The following NOL4L variants were observed in gnomAD, a reference collection of about 807,000 sequenced individuals.
NOL4L encodes nucleolar protein 4 like, also known as nucleolar protein 4-like.
In NOL4L, 7 loss-of-function variants were observed where a neutral mutation model predicts 64.5. That is an observed-to-expected ratio of 0.11 (90% CI 0.06 to 0.20). The LOEUF is 0.20. Ranked by LOEUF, NOL4L falls within the 10% of genes least tolerant of loss-of-function variation. The probability of loss-of-function intolerance (pLI) is 1.00; values close to 1 mark genes in which losing one functional copy is unlikely to be tolerated. For synonymous variants in NOL4L, 413 were observed against 401.0 expected (o/e 1.03, Z -0.36); for missense variants, 680 against 967.1 (o/e 0.70, Z 3.94).
At chr20:32,475,542 C>CG (rs2015337461) in intron 4 of NOL4L, among the ~76,000 whole-genome samples, 1 of 152,260 alleles carries the variant, frequency 6.6e-6, no homozygotes, top group African/African-American at 2.4e-5. Flanking sequence ...CGGGAACCCC[C>CG]GGGGCGGGGC....
At chr20:32,524,912 G>A (rs1415756683) in intron 2 of NOL4L, among the ~76,000 whole-genome samples, 3 of 152,348 alleles carry the variant, frequency 2.0e-5, no homozygotes, top group East Asian at 1.9e-4. Context: ...GAGGAGGCAC[G>A]TAGGGGAGGA....
chr20:32,488,757 T>TC (rs2016217088), intron 4 of NOL4L, among the ~76,000 whole-genome samples: 1 of 53,134 alleles, frequency 1.9e-5, no homozygotes, highest in South Asian at 5.8e-4. Flanking sequence ...TTTCCTTCCT[T>TC]CCTTCCTTCC....
chr20:32,462,903 T>TAAAAAAAAA (rs564168973), intron 5 of NOL4L, among the ~76,000 whole-genome samples: 7 of 76,648 alleles, frequency 9.1e-5, no homozygotes, highest in Admixed American at 1.7e-4. Flanking sequence ...GACTCTGTCT[T>TAAAAAAAAA]AAAAAAAAAA....
At chr20:32,540,516 G>A (rs1489164871) in intron 1 of NOL4L, among the ~76,000 whole-genome samples, 5 of 151,948 alleles carry the variant, frequency 3.3e-5, no homozygotes, top group East Asian at 1.9e-4. Flanking sequence ...CTTCCTCCCC[G>A]GCCCCCACAC....
intron 1 of NOL4L, among the ~76,000 whole-genome samples, chr20:32,543,281 C>G (rs891322246): frequency 1.3e-5 from 2 of 152,140 alleles, no homozygotes; most frequent in Non-Finnish European, 2.9e-5. Flanking sequence ...AGGGTGATAC[C>G]CAGCCTGGCC....
intron 1 of NOL4L, among the ~76,000 whole-genome samples, chr20:32,529,397 T>G (rs918545189): frequency 6.6e-6 from 1 of 151,940 alleles, no homozygotes; most frequent in African/African-American, 2.4e-5. Context: ...CCCTCGGAGG[T>G]TGTTAGGGTC....
Position 32,447,325 on chromosome 20 carries a change from C to T in NOL4L, c.*271G>A, listed in dbSNP as rs757891913. 80 of 608,570 alleles carry T rather than the reference C, an allele frequency of 1.3e-4. No individual in the cohort carries two copies. The highest frequency in any genetic ancestry group is 2.1e-4 in the Non-Finnish European group (70 of 335,150). The allele number at this position is 608,570 out of a possible 1,614,324, so 37.7% of individuals were successfully genotyped here. On this transcript the variant is annotated 3_prime_UTR_variant, in exon 11 of 11. Coordinates refer to ENST00000621426, the MANE Select transcript of NOL4L (RefSeq NM_001256798.2). ...CAGAGCTGCAGCCCCAGCGCCTTGT[C>T]AGGGGAGCCCCCAACCCTTCCAGAG...
chr20:32,488,612 C>G (rs2016196948), intron 4 of NOL4L, among the ~76,000 whole-genome samples: 1 of 152,234 alleles, frequency 6.6e-6, no homozygotes, highest in Admixed American at 6.5e-5. Flanking sequence ...TTATCTCTGT[C>G]AATCTGAGGG....
At chr20:32,488,043 T>C (rs561752747) in intron 4 of NOL4L, among the ~76,000 whole-genome samples, 2 of 152,096 alleles carry the variant, frequency 1.3e-5, no homozygotes, top group African/African-American at 4.8e-5. Flanking sequence ...CATTCTTGTG[T>C]CTCAGCCTCC....
At chr20:32,538,199 TGCGAG>T (rs2018584549) in intron 1 of NOL4L, among the ~76,000 whole-genome samples, 1 of 152,134 alleles carries the variant, frequency 6.6e-6, no homozygotes, top group South Asian at 2.1e-4. Context: ...ACCATTCAGG[TGCGAG>T]GCTGGCCTGA....
Position 32,461,980 on chromosome 20 carries a change from C to T in NOL4L, c.842-5585G>A, listed in dbSNP as rs867439865. 8.9e-4 allele frequency among the ~76,000 whole-genome samples: 136 copies of T among 152,072 alleles called. 1 individual carries two copies. The highest frequency in any genetic ancestry group is 3.2e-3 in the African/African-American group (131 of 41,524). On this transcript the variant is annotated intron_variant, in intron 5 of 10. Coordinates refer to ENST00000621426, the MANE Select transcript of NOL4L (RefSeq NM_001256798.2). The stretch of plus-strand genomic sequence containing the variant: ...GGCAACTGAGTCTTCCTGGGCTCGC[C>T]GGGGTGAGTGCATGCCCCAGGCCTG...
chr20:32,573,829 A>T (rs1426748692), intron 1 of NOL4L: 1 of 154,126 alleles, frequency 6.5e-6, no homozygotes, highest in African/African-American at 2.4e-5. Flanking sequence ...TCCATCCTCC[A>T]TGGAGCCTCC....
At chr20:32,482,803 A>G (rs1430864874) in intron 4 of NOL4L, among the ~76,000 whole-genome samples, 2 of 146,598 alleles carry the variant, frequency 1.4e-5, no homozygotes, top group African/African-American at 5.1e-5. Flanking sequence ...CCTCCCTGAC[A>G]CTCAACGCTT....
rs188378346 is a variant in NOL4L at position 32,509,942 on chromosome 20, T to C, written c.699+1405A>G. 1.3e-3 allele frequency: 1,737 copies of C among 1,304,090 alleles called. 2 individuals are homozygous for C. The highest frequency in any genetic ancestry group is 1.5e-3 in the Non-Finnish European group (1,525 of 988,794). The allele number at this position is 1,304,090 out of a possible 1,614,324, so 80.8% of individuals were successfully genotyped here. A position where few individuals can be genotyped will look rare whatever the true frequency, so the allele number is the denominator to read the frequency against. On this transcript the variant is annotated intron_variant, in intron 4 of 10. Coordinates refer to ENST00000621426, the MANE Select transcript of NOL4L (RefSeq NM_001256798.2). ...AGGTGCCGGAGACAGTGAGGATGGC[T>C]ACAGGAAAGAAAGGCCACAGATTGC...
At chr20:32,496,477 G>A (rs912070547) in intron 4 of NOL4L, among the ~76,000 whole-genome samples, 11 of 152,022 alleles carry the variant, frequency 7.2e-5, no homozygotes, top group African/African-American at 9.7e-5. Flanking sequence ...GGTATCTTCC[G>A]TGCTTGGAAT....
At chr20:32,485,886 T>C (rs1202289099) in intron 4 of NOL4L, 1 of 404,714 alleles carries the variant, frequency 2.5e-6, no homozygotes, top group African/African-American at 2.1e-5. Context: ...GCTTGAAATA[T>C]AAAGCCAAAT....
intron 1 of NOL4L, among the ~76,000 whole-genome samples, chr20:32,555,011 G>T (rs6119893): frequency 0.53 from 80,648 of 151,984 alleles, 25,879 homozygotes; most frequent in East Asian, 0.99. Context: ...AAACTGGGAT[G>T]TGGCCTCCTT....
intron 4 of NOL4L, among the ~76,000 whole-genome samples, chr20:32,492,540 T>G (rs2016508065): frequency 6.6e-6 from 1 of 152,036 alleles, no homozygotes; most frequent in Admixed American, 6.6e-5. Context: ...TGAAACTGAG[T>G]GATGCGTGCT....
chr20:32,456,518 C>T (rs2013546697), intron 5 of NOL4L, 123 bp from the exon 6 acceptor site: 1 of 1,029,666 alleles, frequency 9.7e-7, no homozygotes. Flanking sequence ...GTGCTGCTAC[C>T]CCACCTCAGA....
Sources: allele counts gnomAD v4.1 joint callset (sites outside exome capture counted in the v4.1 genomes callset), GRCh38; gene constraint gnomAD v4.1.1; transcripts MANE v1.5; gene names NCBI Gene and HGNC (gene_info 2026-07-23, HGNC 2026-07-21).